The following LRRC1 variants were observed in gnomAD, a reference collection of about 807,000 sequenced individuals.
The protein encoded by LRRC1 is leucine rich repeat containing 1.
A neutral mutation model predicts 69.9 loss-of-function variants in LRRC1; 28 were observed. The observed-to-expected ratio is 0.40, with a 90% confidence interval of 0.30 to 0.55. The LOEUF is 0.55. Among genes scored for constraint, LRRC1 ranks in the 20% least tolerant of loss-of-function variants. The probability of loss-of-function intolerance (pLI) is 0.47; values close to 1 mark genes in which losing one functional copy is unlikely to be tolerated. For missense variants in LRRC1, 498 were observed against 609.0 expected (o/e 0.82, Z 1.92); for synonymous variants, 236 against 240.2 (o/e 0.98, Z 0.16).
At chr6:53,884,544 G>A (rs754299440) in intron 4 of LRRC1, among the ~76,000 whole-genome samples, 9 of 151,932 alleles carry the variant, frequency 5.9e-5, no homozygotes, top group African/African-American at 1.2e-4. Flanking sequence ...CTTAAATATA[G>A]TAGCTGTTTA....
intron 10 of LRRC1, among the ~76,000 whole-genome samples, chr6:53,905,550 G>A (rs1380193668): frequency 1.3e-5 from 2 of 152,068 alleles, no homozygotes; most frequent in Non-Finnish European, 2.9e-5. Flanking sequence ...CTGGCTGGGT[G>A]TAGTTTGCTT....
intron 2 of LRRC1, among the ~76,000 whole-genome samples, chr6:53,843,688 AC>A (rs1357082923): frequency 6.6e-6 from 1 of 152,092 alleles, no homozygotes; most frequent in African/African-American, 2.4e-5. Flanking sequence ...ATTAACATGC[AC>A]CAAAAGCAGT....
At chr6:53,882,834 C>G (rs987154231) in intron 3 of LRRC1, 53 bp from the exon 4 acceptor site, 22 of 1,095,116 alleles carry the variant, frequency 2.0e-5, no homozygotes, top group Non-Finnish European at 3.0e-5. Flanking sequence ...TTGGTATACA[C>G]TATACATGAA....
chr6:53,881,923 G>A (rs952153326), intron 3 of LRRC1, among the ~76,000 whole-genome samples: 2 of 152,150 alleles, frequency 1.3e-5, no homozygotes, highest in African/African-American at 4.8e-5. Context: ...TTTAAATCAT[G>A]ATTTTATTTT....
intron 8 of LRRC1, among the ~76,000 whole-genome samples, 163 bp from the exon 9 acceptor site, chr6:53,902,466 C>G (rs1176288709): frequency 6.6e-6 from 1 of 152,078 alleles, no homozygotes; most frequent in East Asian, 1.9e-4. Context: ...TCCCAACCTT[C>G]AGTGATCTAA....
intron 2 of LRRC1, among the ~76,000 whole-genome samples, chr6:53,862,232 C>T (rs1006110367): frequency 6.6e-6 from 1 of 151,286 alleles, no homozygotes; most frequent in African/African-American, 2.4e-5. Flanking sequence ...AACTTTTTTC[C>T]CCTCATTTTT....
intron 2 of LRRC1, among the ~76,000 whole-genome samples, chr6:53,864,618 C>T (rs904387697): frequency 2.0e-5 from 3 of 152,140 alleles, no homozygotes; most frequent in African/African-American, 7.2e-5. Context: ...GGGACTCCTG[C>T]TATCTATCTC....
intron 4 of LRRC1, among the ~76,000 whole-genome samples, chr6:53,889,144 A>G (rs1767591700): frequency 6.6e-6 from 1 of 152,190 alleles, no homozygotes; most frequent in African/African-American, 2.4e-5. Flanking sequence ...GCAAGTCAAA[A>G]CCACAATGAG....
intron 1 of LRRC1, among the ~76,000 whole-genome samples, chr6:53,795,900 C>T (rs1466323661): frequency 1.3e-5 from 2 of 152,236 alleles, no homozygotes; most frequent in Admixed American, 6.5e-5. Flanking sequence ...TCAAGCGGGC[C>T]GCACTATCTC....
intron 10 of LRRC1, among the ~76,000 whole-genome samples, chr6:53,907,459 G>A (rs1265451416): frequency 6.6e-6 from 1 of 152,180 alleles, no homozygotes; most frequent in South Asian, 2.1e-4. Context: ...AGGGGAAGAT[G>A]TTTGTACCAT....
rs1442573207 is a variant in LRRC1, at chr6:53,842,093, A to C, written c.160-17A>C. Reference sequence around the variant, plus strand: ...CAAACATATGTGAAATCTATGTTAAACTCTTTTGTCTTTCAGCAATTTTTC... The same window carrying C: ...CAAACATATGTGAAATCTATGTTAACCTCTTTTGTCTTTCAGCAATTTTTC... On this transcript the variant is annotated splice_polypyrimidine_tract_variant and intron_variant, in intron 1 of 13. Coordinates refer to ENST00000370888, the MANE Select transcript of LRRC1 (RefSeq NM_018214.5). 6.7e-7 allele frequency: 1 copy of C among 1,489,368 alleles called. No individual in the cohort carries two copies. The highest frequency in any genetic ancestry group is 9.4e-7 in the Non-Finnish European group (1 of 1,067,874). 92.3% of individuals were successfully genotyped at this position (1,489,368 alleles called of 1,614,324 possible).
At chr6:53,918,203 T>TA (rs1315499362) in intron 11 of LRRC1, among the ~76,000 whole-genome samples, 1 of 152,240 alleles carries the variant, frequency 6.6e-6, no homozygotes, top group Non-Finnish European at 1.5e-5. Flanking sequence ...TACTTTAACA[T>TA]AAGCAGTTCT....
At chr6:53,810,387 G>A (rs1392021476) in intron 1 of LRRC1, among the ~76,000 whole-genome samples, 3 of 152,188 alleles carry the variant, frequency 2.0e-5, no homozygotes, top group Admixed American at 6.5e-5. Context: ...TTGGGAGGCC[G>A]AGGCAGGCGG....
chr6:53,860,995 C>T (rs7341307), intron 2 of LRRC1, among the ~76,000 whole-genome samples: 2,472 of 147,516 alleles, frequency 0.017, 69 homozygotes, highest in African/African-American at 0.057. Flanking sequence ...AACACATGGA[C>T]ACAGAAGGGA....
chr6:53,860,804 G>A (rs1766473680), intron 2 of LRRC1, among the ~76,000 whole-genome samples: 3 of 152,200 alleles, frequency 2.0e-5, no homozygotes, highest in Admixed American at 2.0e-4. Flanking sequence ...TGTAAGAGCA[G>A]AAATAGCTTT....
At chr6:53,811,521 GAGA>G (rs1166370219) in intron 1 of LRRC1, among the ~76,000 whole-genome samples, 2 of 152,214 alleles carry the variant, frequency 1.3e-5, no homozygotes, top group Non-Finnish European at 2.9e-5. Flanking sequence ...TCTCTCAAAA[GAGA>G]AGGCCTGAGC....
chr6:53,902,150 C>T (rs1400324916), intron 8 of LRRC1, among the ~76,000 whole-genome samples: 1 of 152,202 alleles, frequency 6.6e-6, no homozygotes, highest in Non-Finnish European at 1.5e-5. Context: ...TAGACTCCAT[C>T]CTTAATATGG....
Position 53,919,229 on chromosome 6 carries a change from CTTTTTTTTTT to C in LRRC1, c.1107-252_1107-243del, listed in dbSNP as rs879406589. ...AAATGTGTCCTGTAATTTTCTCTCT[CTTTTTTTTTT>C]TTTTTTTTTTTTTTTTGCTCTGTAA... is the stretch of plus-strand genomic sequence containing the variant. On this transcript the variant is annotated intron_variant, in intron 11 of 13. Coordinates refer to ENST00000370888, the MANE Select transcript of LRRC1 (RefSeq NM_018214.5). 6.2e-3 allele frequency: 451 copies of C among 72,288 alleles called. 9 individuals are homozygous for C. Among genetic ancestry groups the C allele is most frequent in the African/African-American group, 0.021 (404 of 18,842 alleles). 4.5% of individuals were successfully genotyped at this position (72,288 alleles called of 1,614,324 possible). A position where few individuals can be genotyped will look rare whatever the true frequency, so the allele number is the denominator to read the frequency against.
At chr6:53,796,173 C>A (rs1407113197) in intron 1 of LRRC1, among the ~76,000 whole-genome samples, 1 of 152,250 alleles carries the variant, frequency 6.6e-6, no homozygotes, top group Non-Finnish European at 1.5e-5. Context: ...CGGGCACAGT[C>A]GTCCTGCTGA....
Sources: allele counts gnomAD v4.1 joint callset (sites outside exome capture counted in the v4.1 genomes callset), GRCh38; gene constraint gnomAD v4.1.1; transcripts MANE v1.5; gene names NCBI Gene and HGNC (gene_info 2026-07-23, HGNC 2026-07-21).